Variants in DNAJC7 observed in about 807,000 individuals in gnomAD.
The protein encoded by DNAJC7 is dnaJ homolog subfamily C member 7.
Under a neutral mutation model 67.4 loss-of-function variants are expected in DNAJC7, and 18 were observed. The ratio of observed to expected loss-of-function variants is 0.27; its 90% CI spans 0.18 to 0.40. DNAJC7 has a LOEUF of 0.40. DNAJC7 is among the 10% of genes least tolerant of loss of function. DNAJC7 has a pLI of 1.00. For synonymous variants in DNAJC7, 220 were observed against 207.8 expected (o/e 1.06, Z -0.50); for missense variants, 419 against 613.8 (o/e 0.68, Z 3.35).
intron 1 of DNAJC7, chr17:42,016,809 G>C (rs1311556022): frequency 3.1e-6 from 1 of 324,128 alleles, no homozygotes; most frequent in Non-Finnish European, 4.7e-6. Context: ...TGTCATCTTT[G>C]ACTTCTGGGA....
intron 1 of DNAJC7, chr17:42,016,976 AGAGAAC>A: frequency 8.1e-7 from 1 of 1,234,892 alleles, no homozygotes; most frequent in East Asian, 5.0e-5. Flanking sequence ...GAAGTTAACA[AGAGAAC>A]GCGGGGGTCG....
At chr17:41,984,028 AAG>A (rs1342244606) in intron 9 of DNAJC7, among the ~76,000 whole-genome samples, 1 of 152,232 alleles carries the variant, frequency 6.6e-6, no homozygotes, top group Non-Finnish European at 1.5e-5. Context: ...ATGGGTATGA[AAG>A]AGCTTTGAAA....
At chr17:41,992,263 C>G (rs1022375770) in intron 5 of DNAJC7, among the ~76,000 whole-genome samples, 1 of 152,160 alleles carries the variant, frequency 6.6e-6, no homozygotes, top group Non-Finnish European at 1.5e-5. Context: ...ACCTCTGCCT[C>G]CCGGGTTCAA....
At chr17:42,003,911 T>G (rs1169751662) in intron 1 of DNAJC7, among the ~76,000 whole-genome samples, 1 of 151,982 alleles carries the variant, frequency 6.6e-6, no homozygotes, top group Non-Finnish European at 1.5e-5. Flanking sequence ...TTTCTAGTGT[T>G]ATTTCAGATT....
chr17:42,006,519 C>T (rs1165531509), intron 1 of DNAJC7, among the ~76,000 whole-genome samples: 1 of 151,800 alleles, frequency 6.6e-6, no homozygotes, highest in African/African-American at 2.4e-5. Flanking sequence ...CAAAACCAGG[C>T]TGGGCACGGT....
rs913894591 is a variant in DNAJC7 at position 41,982,518 on chromosome 17, G to A, written c.1085-117C>T. On this transcript the variant is annotated intron_variant, in intron 10 of 13. Transcript: ENST00000457167. Reference sequence around the variant, plus strand: ...TGTTAACCATGCCAGGGACTTTTACGGTGCTTTCTTCTGGAGATTAGAAAA... The same window carrying A: ...TGTTAACCATGCCAGGGACTTTTACAGTGCTTTCTTCTGGAGATTAGAAAA... The A allele has an allele frequency of 4.7e-5, 63 of 1,331,316 alleles. 1 individual carries two copies. The highest frequency in any genetic ancestry group is 4.6e-4 in the South Asian group (32 of 69,236). 82.5% of individuals were successfully genotyped at this position (1,331,316 alleles called of 1,614,324 possible). A position where few individuals can be genotyped will look rare whatever the true frequency, so the allele number is the denominator to read the frequency against.
At chr17:41,999,012 C>A (rs1277161969) in intron 2 of DNAJC7, among the ~76,000 whole-genome samples, 2 of 151,634 alleles carry the variant, frequency 1.3e-5, no homozygotes, top group Non-Finnish European at 2.9e-5. Flanking sequence ...ATGGTAAGAC[C>A]CTGTCTCTAT....
At chr17:41,983,511 T>C in intron 10 of DNAJC7, 52 bp downstream of exon 10, 1 of 1,468,458 alleles carries the variant, frequency 6.8e-7, no homozygotes, top group Non-Finnish European at 9.3e-7. Flanking sequence ...TACAGATTTA[T>C]GGCCTACGAA....
chr17:41,993,714 A>G (rs1467737148), intron 5 of DNAJC7, among the ~76,000 whole-genome samples: 1 of 152,100 alleles, frequency 6.6e-6, no homozygotes, highest in Non-Finnish European at 1.5e-5. Flanking sequence ...ACACAGATAA[A>G]GCATAATAAC....
intron 9 of DNAJC7, chr17:41,986,047 T>TAAAAAAAAAAAAACA (rs2051366353): frequency 3.1e-5 from 1 of 32,550 alleles, no homozygotes; most frequent in Non-Finnish European, 5.3e-5. Flanking sequence ...GGGGCTTGCT[T>TAAAAAAAAAAAAACA]AAAAAAAAAA....
chr17:42,008,316 GAAAA>G (rs1307348122), intron 1 of DNAJC7, among the ~76,000 whole-genome samples: 2 of 108,190 alleles, frequency 1.8e-5, no homozygotes, highest in African/African-American at 6.8e-5. Context: ...TCTCAAAAAA[GAAAA>G]AAAAAAAAAT....
intron 1 of DNAJC7, among the ~76,000 whole-genome samples, chr17:42,007,862 T>G (rs1203178564): frequency 1.7e-4 from 8 of 48,228 alleles, no homozygotes; most frequent in East Asian, 1.2e-3. Flanking sequence ...TTTTTTTTTT[T>G]GAGACAGAAT....
At chr17:42,008,332 T>C (rs1368232417) in intron 1 of DNAJC7, among the ~76,000 whole-genome samples, 1 of 151,396 alleles carries the variant, frequency 6.6e-6, no homozygotes, top group Non-Finnish European at 1.5e-5. Context: ...AAAAAAAATC[T>C]ACTATTCTAC....
intron 2 of DNAJC7, 78 bp from the exon 3 acceptor site, chr17:41,997,317 A>G: frequency 6.6e-7 from 1 of 1,525,572 alleles, no homozygotes; most frequent in Non-Finnish European, 8.8e-7. Context: ...GGCTGGGCGC[A>G]GTGGCTCATG....
chr17:42,006,838 C>T (rs1361627532), intron 1 of DNAJC7, among the ~76,000 whole-genome samples: 4 of 118,000 alleles, frequency 3.4e-5, no homozygotes, highest in East Asian at 5.4e-4. Flanking sequence ...CGGTGGCTCA[C>T]GCCTATAATC....
intron 12 of DNAJC7, among the ~76,000 whole-genome samples, chr17:41,981,427 C>T (rs575418657): frequency 6.6e-6 from 1 of 152,302 alleles, no homozygotes; most frequent in South Asian, 2.1e-4. Context: ...AACTCCTGAC[C>T]TGGTGATCAA....
At chr17:41,995,092 C>A in intron 4 of DNAJC7, 148 bp from the exon 5 acceptor site, 1 of 724,830 alleles carries the variant, frequency 1.4e-6, no homozygotes, top group Non-Finnish European at 2.4e-6. Flanking sequence ...TGCATACCTC[C>A]TGTTGTGAAT....
chr17:41,976,735 A>G lies in DNAJC7; in HGVS notation c.1483T>C (p.Ter495GlnextTer1), dbSNP rs1555644899. 1 of 1,610,762 alleles carries G rather than the reference A, an allele frequency of 6.2e-7. No homozygotes were observed. Among genetic ancestry groups the G allele is most frequent in the Non-Finnish European group, 8.5e-7 (1 of 1,179,280 alleles). Residue 495 changes from the stop codon to glutamine (Q), a stop_lost, in exon 14 of 14, where the codon TAA (stop) becomes CAA (glutamine). Transcript: ENST00000457167. ...GGGTTCTGGGTGGTTGCCCTTCATT[A>G]GCCAAATTGAAAAAAGAAATTCCCT... Reference protein sequence around the residue: ...GPGNFFFQFG* With the variant: ...GPGNFFFQFGQ
intron 8 of DNAJC7, among the ~76,000 whole-genome samples, chr17:41,988,278 A>G (rs1440054047): frequency 6.6e-6 from 1 of 152,308 alleles, no homozygotes; most frequent in Non-Finnish European, 1.5e-5. Flanking sequence ...CAAGGAGTCT[A>G]CTTTTTGTTT....
Sources: allele counts gnomAD v4.1 joint callset (sites outside exome capture counted in the v4.1 genomes callset), GRCh38; gene constraint gnomAD v4.1.1; transcripts MANE v1.5; gene names NCBI Gene and HGNC (gene_info 2026-07-23, HGNC 2026-07-21).